Variants in RBFOX1 observed in about 807,000 individuals in gnomAD.
RBFOX1 encodes the protein RNA binding fox-1 homolog 1.
RBFOX1 carries 8 observed loss-of-function variants against 57.7 expected under a neutral mutation model. The observed-to-expected ratio is 0.14, with a 90% CI of 0.08 to 0.25. The LOEUF is 0.25. RBFOX1 is among the 10% of genes least tolerant of loss of function. The pLI is 1.00. For synonymous variants in RBFOX1, 326 were observed against 222.4 expected (o/e 1.47, Z -4.15); for missense variants, 611 against 548.5 (o/e 1.11, Z -1.14).
At chr16:6,136,082 T>A (rs76943048) in intron 1 of RBFOX1, among the ~76,000 whole-genome samples, 2,501 of 152,198 alleles carry the variant, frequency 0.016, 79 homozygotes, top group African/African-American at 0.055. Context: ...GGCTTGAGCC[T>A]CTGTGCCTGG....
chr16:5,613,554 C>T (rs773520635), intron 3 of RBFOX1, among the ~76,000 whole-genome samples: 2 of 152,132 alleles, frequency 1.3e-5, no homozygotes, highest in African/African-American at 4.8e-5. Flanking sequence ...TGAAATTTTC[C>T]TTTCTCATTA....
rs961061247 is a variant in RBFOX1, at chr16:5,391,911, A to G, written c.220-75305A>G. ...TGTATACACACACACACACACACGCACACACATATATATACACACACAATG... is the reference window on the plus strand; with the variant it reads ...TGTATACACACACACACACACACGCGCACACATATATATACACACACAATG... On this transcript the variant is annotated intron_variant, in intron 1 of 2. Coordinates refer to the RBFOX1 transcript ENST00000585867. Among the ~76,000 whole-genome samples the G allele has an allele frequency of 1.4e-4, 21 of 151,540 alleles. 1 individual carries two copies. The highest frequency in any genetic ancestry group is 3.9e-4 in the East Asian group (2 of 5,116).
intron 2 of RBFOX1, among the ~76,000 whole-genome samples, chr16:6,539,536 A>T (rs1379062212): frequency 6.6e-6 from 1 of 151,970 alleles, no homozygotes; most frequent in African/African-American, 2.4e-5. Flanking sequence ...AGTGGCTCAC[A>T]CCTATAATCC....
chr16:6,614,702 ATG>A (rs2098118474), intron 2 of RBFOX1, among the ~76,000 whole-genome samples: 1 of 152,028 alleles, frequency 6.6e-6, no homozygotes. Flanking sequence ...TCCTCGGCTT[ATG>A]GGTCTATCAC....
intron 4 of RBFOX1, among the ~76,000 whole-genome samples, chr16:7,085,296 C>T (rs2059822149): frequency 6.6e-6 from 1 of 152,144 alleles, no homozygotes; most frequent in African/African-American, 2.4e-5. Context: ...TGCCACTCAG[C>T]ACCGGCTCAT....
intron 4 of RBFOX1, among the ~76,000 whole-genome samples, chr16:5,968,804 T>C (rs1350727987): frequency 6.6e-6 from 1 of 152,118 alleles, no homozygotes; most frequent in African/African-American, 2.4e-5. Context: ...TTCTTTTCTC[T>C]TGTTTTCTCT....
intron 3 of RBFOX1, among the ~76,000 whole-genome samples, chr16:7,050,613 G>C (rs1045170344): frequency 2.6e-5 from 4 of 151,948 alleles, no homozygotes; most frequent in East Asian, 1.9e-4. Flanking sequence ...TTTAACCCAA[G>C]ATAGGAACCA....
At chr16:6,966,106 A>G (rs895433047) in intron 3 of RBFOX1, among the ~76,000 whole-genome samples, 2 of 152,150 alleles carry the variant, frequency 1.3e-5, no homozygotes, top group Admixed American at 1.3e-4. Context: ...TCTCAACCAT[A>G]GACTGGGGGC....
intron 4 of RBFOX1, among the ~76,000 whole-genome samples, chr16:7,375,042 G>T (rs1483558807): frequency 6.6e-6 from 1 of 152,224 alleles, no homozygotes; most frequent in Non-Finnish European, 1.5e-5. Flanking sequence ...CTTTGTTAGA[G>T]TAGATAGGCG....
chr16:6,906,665 G>T (rs780428756), intron 3 of RBFOX1, among the ~76,000 whole-genome samples: 1 of 151,894 alleles, frequency 6.6e-6, no homozygotes, highest in Non-Finnish European at 1.5e-5. Context: ...TGAACTCTTG[G>T]GACTTAAAAA....
chr16:7,603,044 G>A (rs570247262), intron 9 of RBFOX1, among the ~76,000 whole-genome samples: 1 of 152,162 alleles, frequency 6.6e-6, no homozygotes, highest in African/African-American at 2.4e-5. Context: ...TGGAAACACG[G>A]CATGCCAAAG....
intron 3 of RBFOX1, among the ~76,000 whole-genome samples, chr16:6,926,729 G>A (rs1351695796): frequency 6.6e-6 from 1 of 152,150 alleles, no homozygotes; most frequent in African/African-American, 2.4e-5. Context: ...TCAAGAACTG[G>A]TGAAAGAGAG....
chr16:7,359,472 C>T (rs1019373117), intron 4 of RBFOX1, among the ~76,000 whole-genome samples: 17 of 152,274 alleles, frequency 1.1e-4, no homozygotes, highest in African/African-American at 2.2e-4. Context: ...CTTTTTACTA[C>T]TCCCTGTGGA....
At chr16:6,135,269 A>T (rs1369248102) in intron 1 of RBFOX1, among the ~76,000 whole-genome samples, 1 of 152,186 alleles carries the variant, frequency 6.6e-6, no homozygotes, top group Non-Finnish European at 1.5e-5. Context: ...CAGAACAGGC[A>T]TTCTGAGTTA....
At chr16:7,419,924 C>A (rs1389188877) in intron 4 of RBFOX1, among the ~76,000 whole-genome samples, 1 of 71,194 alleles carries the variant, frequency 1.4e-5, no homozygotes, top group East Asian at 6.2e-4. Context: ...TTTCTTTCTT[C>A]CTTTTTTTTT....
chr16:6,760,885 G>C (rs2076506458), intron 3 of RBFOX1, among the ~76,000 whole-genome samples: 1 of 152,096 alleles, frequency 6.6e-6, no homozygotes, highest in South Asian at 2.1e-4. Flanking sequence ...ACCAGAATTG[G>C]ACTCTAATGG....
At chr16:7,270,426 A>G (rs1416469353) in intron 4 of RBFOX1, among the ~76,000 whole-genome samples, 1 of 152,248 alleles carries the variant, frequency 6.6e-6, no homozygotes. Flanking sequence ...TGATAAAGGA[A>G]GATACCATCG....
At chr16:6,701,501 G>A (rs1282076707) in intron 3 of RBFOX1, among the ~76,000 whole-genome samples, 2 of 152,242 alleles carry the variant, frequency 1.3e-5, no homozygotes, top group East Asian at 1.9e-4. Flanking sequence ...GGTTGTACAA[G>A]CATGGCACCA....
intron 4 of RBFOX1, among the ~76,000 whole-genome samples, chr16:7,446,891 C>T (rs67562364): frequency 7.2e-6 from 1 of 137,964 alleles, no homozygotes; most frequent in Non-Finnish European, 1.5e-5. Flanking sequence ...CGGCTCACTG[C>T]AAACTCCACC....
Sources: allele counts gnomAD v4.1 joint callset (sites outside exome capture counted in the v4.1 genomes callset), GRCh38; gene constraint gnomAD v4.1.1; transcripts MANE v1.5; gene names NCBI Gene and HGNC (gene_info 2026-07-23, HGNC 2026-07-21).